ADAMTSL1: variants seen among roughly 807,000 people sequenced by gnomAD.
The protein encoded by ADAMTSL1 is ADAMTS like 1.
In ADAMTSL1, 126 loss-of-function variants were observed where a neutral mutation model predicts 201.8. That is an observed-to-expected ratio of 0.62 (90% confidence interval 0.54 to 0.72). ADAMTSL1 has a LOEUF of 0.72. ADAMTSL1 is among the 30% of genes least tolerant of loss of function. The pLI is 0.00. For missense variants in ADAMTSL1, 2,679 were observed against 2,277.8 expected, an observed-to-expected ratio of 1.18 and a Z score of -3.59; for synonymous variants, 1,121 against 903.4, an observed-to-expected ratio of 1.24 and a Z score of -4.32.
At chr9:18,480,242 T>C (rs1821656518) in intron 1 of ADAMTSL1, among the ~76,000 whole-genome samples, 1 of 152,206 alleles carries the variant, frequency 6.6e-6, no homozygotes, top group Non-Finnish European at 1.5e-5. Context: ...ATAAACTGTA[T>C]TTGCCAGCCT....
At chr9:18,544,124 G>A (rs1820333635) in intron 3 of ADAMTSL1, among the ~76,000 whole-genome samples, 1 of 152,152 alleles carries the variant, frequency 6.6e-6, no homozygotes, top group African/African-American at 2.4e-5. Flanking sequence ...CAATCTTGAA[G>A]TGGAAATAAT....
At chr9:18,751,555 C>T (rs370826176) in intron 15 of ADAMTSL1, among the ~76,000 whole-genome samples, 84 of 152,288 alleles carry the variant, frequency 5.5e-4, no homozygotes, top group African/African-American at 1.9e-3. Flanking sequence ...GAGGTCTCAT[C>T]GATTTGCTCA....
chr9:18,739,394 C>G (rs1305535553), intron 15 of ADAMTSL1, among the ~76,000 whole-genome samples: 1 of 152,134 alleles, frequency 6.6e-6, no homozygotes, highest in Non-Finnish European at 1.5e-5. Context: ...GCCAATTCAT[C>G]AGTTCTATCA....
At chr9:18,834,143 T>C (rs1055770276) in intron 23 of ADAMTSL1, among the ~76,000 whole-genome samples, 1 of 152,186 alleles carries the variant, frequency 6.6e-6, no homozygotes, top group Non-Finnish European at 1.5e-5. Context: ...TTTGTTCTTT[T>C]TGCTTAGGAT....
rs111933878 is a variant in ADAMTSL1, at chr9:18,861,396, A to G, written c.4250-26435A>G. On this transcript the variant is annotated intron_variant, in intron 23 of 28. Transcript: ENST00000380548. ...CATTGGTTTTAGGGCTCCTAAGTCC[A>G]TGTGAATCTCGGAAAGGTCAGAATT... Among the ~76,000 whole-genome samples the G allele has an allele frequency of 5.9e-3, 899 of 152,318 alleles. 9 individuals are homozygous for G. The highest frequency in any genetic ancestry group is 0.021 in the African/African-American group (866 of 41,582).
chr9:18,824,868 T>C lies in ADAMTSL1; in HGVS notation c.3935-1416T>C, dbSNP rs111739582. 3.5e-3 allele frequency among the ~76,000 whole-genome samples: 539 copies of C among 152,056 alleles called. 5 individuals carry two copies. The highest frequency in any genetic ancestry group is 0.012 in the African/African-American group (501 of 41,466). ...GCCCACCACCATGCCTGGCTAATTT[T>C]TGTATTTTTAGTAGAGACAGGGTTT... On this transcript the variant is annotated intron_variant, in intron 21 of 28. Coordinates refer to ENST00000380548, the MANE Select transcript of ADAMTSL1 (RefSeq NM_001040272.6).
chr9:18,649,186 C>G (rs1305092104), intron 7 of ADAMTSL1, among the ~76,000 whole-genome samples: 2 of 152,214 alleles, frequency 1.3e-5, no homozygotes, highest in African/African-American at 4.8e-5. Flanking sequence ...GCATCAGCTC[C>G]TGAGGCTTCT....
chr9:18,803,515 G>T (rs964281294), intron 20 of ADAMTSL1, among the ~76,000 whole-genome samples: 1 of 152,144 alleles, frequency 6.6e-6, no homozygotes, highest in Non-Finnish European at 1.5e-5. Flanking sequence ...ACAGGTTCCA[G>T]GGATTATGAC....
intron 2 of ADAMTSL1, among the ~76,000 whole-genome samples, chr9:18,273,064 T>C (rs1430402517): frequency 6.6e-6 from 1 of 152,134 alleles, no homozygotes; most frequent in African/African-American, 2.4e-5. Context: ...AGAAGGATGG[T>C]TGCAGGGACC....
chr9:18,728,627 G>A (rs1034506824), intron 15 of ADAMTSL1, among the ~76,000 whole-genome samples: 23 of 152,196 alleles, frequency 1.5e-4, no homozygotes, highest in African/African-American at 5.3e-4. Context: ...ATGGAGTTCG[G>A]TGGAAGCTTG....
At chr9:18,289,051 T>C (rs2132668343) in intron 2 of ADAMTSL1, among the ~76,000 whole-genome samples, 1 of 152,308 alleles carries the variant, frequency 6.6e-6, no homozygotes, top group East Asian at 1.9e-4. Context: ...GTAGTAGAAT[T>C]ATATATTAGT....
chr9:18,265,748 A>G (rs1188380945), intron 2 of ADAMTSL1, among the ~76,000 whole-genome samples: 1 of 152,226 alleles, frequency 6.6e-6, no homozygotes, highest in Non-Finnish European at 1.5e-5. Context: ...TAGAATCATT[A>G]CACATGGTAT....
intron 23 of ADAMTSL1, among the ~76,000 whole-genome samples, chr9:18,833,658 T>C (rs895011073): frequency 5.9e-5 from 9 of 152,206 alleles, no homozygotes; most frequent in Admixed American, 3.3e-4. Context: ...GTTTCCTCTG[T>C]TGATAGTTTC....
At chr9:18,739,899 C>CTGTGTGTGTGTGTGTG (rs5896804) in intron 15 of ADAMTSL1, among the ~76,000 whole-genome samples, 1,866 of 148,210 alleles carry the variant, frequency 0.013, 18 homozygotes, top group Non-Finnish European at 0.02. Context: ...TGTCTACTAT[C>CTGTGTGTGTGTGTGTG]TGTGTGTGTG....
intron 1 of ADAMTSL1, among the ~76,000 whole-genome samples, chr9:18,099,730 C>T (rs965285613): frequency 4.0e-5 from 6 of 150,736 alleles, no homozygotes; most frequent in African/African-American, 1.5e-4. Context: ...CTCTGCCTCC[C>T]GGGTTCACGC....
chr9:18,574,072 T>C lies in ADAMTSL1; in HGVS notation c.280T>C (p.Ser94Pro). The C allele has an allele frequency of 6.2e-7, 1 of 1,614,128 alleles. No homozygotes were observed. Among genetic ancestry groups the C allele is most frequent in the Non-Finnish European group, 8.5e-7 (1 of 1,180,008 alleles). ...EAGDFRAQQC[S>P]AHNDVKHHGQ... ...AGGTGATTTCCGAGCTCAGCAATGC[T>C]CAGCTCATAATGATGTCAAGCACCA... The change falls in exon 4 of 29, where the codon TCA becomes CCA. Residue 94 changes from serine to proline, a missense_variant. Ser to Pro is a moderately conservative substitution (Grantham distance 74, BLOSUM62 -1). Coordinates refer to ENST00000380548, the MANE Select transcript of ADAMTSL1 (RefSeq NM_001040272.6).
intron 1 of ADAMTSL1, among the ~76,000 whole-genome samples, chr9:17,987,547 G>A (rs1047638201): frequency 1.3e-5 from 2 of 151,824 alleles, no homozygotes; most frequent in Non-Finnish European, 2.9e-5. Flanking sequence ...TAGTCTTAGT[G>A]TGTTTGTAAT....
At chr9:18,075,195 T>C (rs2131747349) in intron 1 of ADAMTSL1, among the ~76,000 whole-genome samples, 1 of 152,314 alleles carries the variant, frequency 6.6e-6, no homozygotes, top group Non-Finnish European at 1.5e-5. Flanking sequence ...TTTACTATAA[T>C]GGTAATTGAA....
rs148164503 is a variant in ADAMTSL1 at position 18,901,529 on chromosome 9, A to C, written c.4852-4253A>C. Among the ~76,000 whole-genome samples the C allele has an allele frequency of 2.5e-3, 382 of 152,330 alleles. 3 individuals are homozygous for C. Among genetic ancestry groups the C allele is most frequent in the Non-Finnish European group, 3.5e-3 (236 of 68,022 alleles). On this transcript the variant is annotated intron_variant, in intron 26 of 28. Coordinates refer to ENST00000380548, the MANE Select transcript of ADAMTSL1 (RefSeq NM_001040272.6). ...TATAATTCTCAAACCAATAATGTAA[A>C]GTGGGGATGGGAAACAGAGTGGTAT... is the stretch of plus-strand genomic sequence containing the variant.
Sources: allele counts gnomAD v4.1 joint callset (sites outside exome capture counted in the v4.1 genomes callset), GRCh38; gene constraint gnomAD v4.1.1; transcripts MANE v1.5; gene names NCBI Gene and HGNC (gene_info 2026-07-23, HGNC 2026-07-21).